The following CTNNBIP1 variants were observed in gnomAD, a reference collection of about 807,000 sequenced individuals.
CTNNBIP1 encodes beta-catenin-interacting protein 1.
In CTNNBIP1, 7 loss-of-function variants were observed where a neutral mutation model predicts 11.8. The ratio of observed to expected loss-of-function variants is 0.60; its 90% CI spans 0.34 to 1.12. The LOEUF (loss-of-function observed/expected upper bound fraction) is 1.12. Among genes scored for constraint, CTNNBIP1 ranks in the 50% most tolerant of loss-of-function variants. The pLI, the probability that CTNNBIP1 is intolerant of heterozygous loss-of-function variation, is 0.03. For synonymous variants in CTNNBIP1, 58 were observed against 43.9 expected (o/e 1.32, Z -1.26); for missense variants, 101 against 113.4 (o/e 0.89, Z 0.50).
rs1252617987 is a variant in CTNNBIP1 at position 9,890,296 on chromosome 1, T to G, written c.-143-6558A>C. Among the ~76,000 whole-genome samples the G allele has an allele frequency of 2.6e-5, 4 of 152,180 alleles. No homozygotes were observed. In the South Asian group the frequency reaches 6.2e-4, roughly 24 times the overall value. On this transcript the variant is annotated intron_variant, in intron 1 of 5. Coordinates refer to ENST00000377263, the MANE Select transcript of CTNNBIP1 (RefSeq NM_020248.3). ...AGTTTCCTTGGCTGCCCCAGAACAC[T>G]GAAGATCCTGGGCTATGTCTTCAGG...
intron 1 of CTNNBIP1, among the ~76,000 whole-genome samples, chr1:9,902,391 C>T (rs938035429): frequency 2.0e-5 from 3 of 152,206 alleles, no homozygotes; most frequent in Admixed American, 6.5e-5. Context: ...TTCTCCCTGA[C>T]TGAAACTCAA....
rs1213578044 is a variant in CTNNBIP1 at position 9,876,843 on chromosome 1, CAT to C, written c.-25+1060_-25+1061del. Among the ~76,000 whole-genome samples, 405 of 91,452 alleles carry C rather than the reference CAT, an allele frequency of 4.4e-3. 2 individuals are homozygous for C. Among genetic ancestry groups the C allele is most frequent in the Non-Finnish European group, 6.0e-3 (301 of 50,300 alleles). 60.0% of individuals were successfully genotyped at this position (91,452 alleles called of 152,430 possible). On this transcript the variant is annotated intron_variant, in intron 3 of 5. Coordinates refer to ENST00000377263, the MANE Select transcript of CTNNBIP1 (RefSeq NM_020248.3). ...GACACAGAGACACACTCCTGCTATA[CAT>C]ACACACACACACACACACACACACA...
chr1:9,907,268 T>A (rs1639636732), intron 1 of CTNNBIP1, among the ~76,000 whole-genome samples: 1 of 152,186 alleles, frequency 6.6e-6, no homozygotes, highest in South Asian at 2.1e-4. Flanking sequence ...CCTCCCTGGT[T>A]CAAGCGATTC....
At position 9,903,540 on chromosome 1, in the gene CTNNBIP1, G is replaced by C. The variant is rs564531006; in HGVS notation, c.-144+6555C>G. Among the ~76,000 whole-genome samples, 25 of 152,354 alleles carry C rather than the reference G, an allele frequency of 1.6e-4. 1 individual carries two copies. In the South Asian group the frequency reaches 4.8e-3, roughly 29 times the overall value. ...TTTAACAAGGCTTCATGGAAGACCAGAGCATAATAGGTCTTTAATAACTGA... is the reference window on the plus strand; with the variant it reads ...TTTAACAAGGCTTCATGGAAGACCACAGCATAATAGGTCTTTAATAACTGA... On this transcript the variant is annotated intron_variant, in intron 1 of 5. Coordinates refer to ENST00000377263, the MANE Select transcript of CTNNBIP1 (RefSeq NM_020248.3).
intron 5 of CTNNBIP1, among the ~76,000 whole-genome samples, chr1:9,859,941 T>G (rs1638587199): frequency 6.6e-6 from 1 of 152,132 alleles, no homozygotes; most frequent in Non-Finnish European, 1.5e-5. Flanking sequence ...TCCAACATGG[T>G]GGGGTCTGCT....
chr1:9,857,899 G>C lies in CTNNBIP1; in HGVS notation c.188-7123C>G, dbSNP rs188092352. 2.0e-5 allele frequency among the ~76,000 whole-genome samples: 3 copies of C among 152,316 alleles called. No individual in the cohort carries two copies. The East Asian group carries it at 5.8e-4, about 29-fold the overall frequency. Reference sequence around the variant, plus strand: ...GACAGATGAGAACAAGTGTTGGCCAGGTTGTGGAGCAATTGGAACCCTCAT... The same window carrying C: ...GACAGATGAGAACAAGTGTTGGCCACGTTGTGGAGCAATTGGAACCCTCAT... On this transcript the variant is annotated intron_variant, in intron 5 of 5. Transcript: ENST00000377263.
chr1:9,862,967 T>C (rs908777835), intron 5 of CTNNBIP1, among the ~76,000 whole-genome samples: 13 of 152,186 alleles, frequency 8.5e-5, no homozygotes, highest in Non-Finnish European at 1.3e-4. Flanking sequence ...AGGGGGGAAG[T>C]GTAGAGTCCC....
At chr1:9,855,923 A>G (rs1638491990) in intron 5 of CTNNBIP1, among the ~76,000 whole-genome samples, 1 of 152,028 alleles carries the variant, frequency 6.6e-6, no homozygotes, top group South Asian at 2.1e-4. Flanking sequence ...AGGTGGGCAG[A>G]TCACTTGAAG....
chr1:9,872,480 A>G lies in CTNNBIP1; in HGVS notation c.-24-392T>C, dbSNP rs1638884633. 6.6e-6 allele frequency among the ~76,000 whole-genome samples: 1 copy of G among 152,246 alleles called. No individual in the cohort carries two copies. Among genetic ancestry groups the G allele is most frequent in the Non-Finnish European group, 1.5e-5 (1 of 68,034 alleles). ...CCAAATGTCCCAGGTTTTCAGAACAACTTCCACAAGGGGCAAAAAAGTGAT... is the reference window on the plus strand; with the variant it reads ...CCAAATGTCCCAGGTTTTCAGAACAGCTTCCACAAGGGGCAAAAAAGTGAT... On this transcript the variant is annotated intron_variant, in intron 3 of 5. Coordinates refer to ENST00000377263, the MANE Select transcript of CTNNBIP1 (RefSeq NM_020248.3). This position sits in a 1 kb window ranked among gnomAD's most constrained non-coding sequence, Gnocchi z 4.0.
chr1:9,871,122 G>C lies in CTNNBIP1; in HGVS notation c.187+65C>G. 7.9e-7 allele frequency: 1 copy of C among 1,259,704 alleles called. No individual in the cohort carries two copies. Among genetic ancestry groups the C allele is most frequent in the Non-Finnish European group, 1.1e-6 (1 of 897,626 alleles). 78.0% of individuals were successfully genotyped at this position (1,259,704 alleles called of 1,614,324 possible). On this transcript the variant is annotated intron_variant, in intron 5 of 5. Coordinates refer to ENST00000377263, the MANE Select transcript of CTNNBIP1 (RefSeq NM_020248.3). This position sits in a 1 kb window ranked among gnomAD's most constrained non-coding sequence, Gnocchi z 5.2. ...AGAGGGCTGGAGCTACGCTTTCTAA[G>C]GGAACCACAAGTCGGTGCCCCTGGG...
At chr1:9,852,417 C>T (rs1395166210) in intron 5 of CTNNBIP1, among the ~76,000 whole-genome samples, 2 of 152,204 alleles carry the variant, frequency 1.3e-5, no homozygotes, top group African/African-American at 4.8e-5. Context: ...ACCTCCATTG[C>T]TCAGAAGGGA....
intron 5 of CTNNBIP1, among the ~76,000 whole-genome samples, chr1:9,865,296 T>C (rs1007144561): frequency 1.4e-5 from 2 of 147,942 alleles, no homozygotes; most frequent in Admixed American, 6.8e-5. Flanking sequence ...GCGTAAAAAA[T>C]GGATGTTAAA....
Position 9,850,789 on chromosome 1 carries a change from CG to C in CTNNBIP1, c.188-14del, listed in dbSNP as rs1165144104. ...ACGTCCTCTGCACCTGCAGATAAGG[CG>C]ACAAGGATCGCTGATGGGGCTTGCA... On this transcript the variant is annotated splice_polypyrimidine_tract_variant and intron_variant, in intron 5 of 5. Transcript: ENST00000377263. 6.2e-7 allele frequency: 1 copy of C among 1,613,458 alleles called. No homozygotes were observed. The highest frequency in any genetic ancestry group is 8.5e-7 in the Non-Finnish European group (1 of 1,179,634).
At chr1:9,890,364 T>G (rs1272688453) in intron 1 of CTNNBIP1, among the ~76,000 whole-genome samples, 1 of 152,166 alleles carries the variant, frequency 6.6e-6, no homozygotes, top group Non-Finnish European at 1.5e-5. Context: ...GGAGGTTTTC[T>G]CTCTGCACAG....
At chr1:9,908,631 G>A (rs1158400051) in intron 1 of CTNNBIP1, among the ~76,000 whole-genome samples, 2 of 152,148 alleles carry the variant, frequency 1.3e-5, no homozygotes, top group Non-Finnish European at 2.9e-5. Flanking sequence ...CAAAGTGCTG[G>A]GACTACAAGC....
chr1:9,882,224 C>T (rs1639097470), intron 2 of CTNNBIP1, among the ~76,000 whole-genome samples: 1 of 152,128 alleles, frequency 6.6e-6, no homozygotes, highest in Non-Finnish European at 1.5e-5. Flanking sequence ...GGGGAAGGCA[C>T]AAGACACAGA....
In CTNNBIP1 at chr1:9,872,658, T is replaced by C. The variant is rs1638888931; in HGVS notation, c.-24-570A>G. 6.6e-6 allele frequency among the ~76,000 whole-genome samples: 1 copy of C among 152,142 alleles called. No individual in the cohort carries two copies. The highest frequency in any genetic ancestry group is 2.4e-5 in the African/African-American group (1 of 41,436). Reference sequence around the variant, plus strand: ...CCTGGGCTGGGCTCCAAGGGGTCCCTTGATGGAAAGACGCTGGCCCAGGGT... The same window carrying C: ...CCTGGGCTGGGCTCCAAGGGGTCCCCTGATGGAAAGACGCTGGCCCAGGGT... On this transcript the variant is annotated intron_variant, in intron 3 of 5. Coordinates refer to ENST00000377263, the MANE Select transcript of CTNNBIP1 (RefSeq NM_020248.3). This position sits in a 1 kb window ranked among gnomAD's most constrained non-coding sequence, Gnocchi z 4.0.
At chr1:9,850,979 T>C (rs538475676) in intron 5 of CTNNBIP1, among the ~76,000 whole-genome samples, 2 of 152,312 alleles carry the variant, frequency 1.3e-5, no homozygotes, top group South Asian at 4.1e-4. Context: ...AACCCTGCTG[T>C]AGGGCTGCAA....
At chr1:9,905,204 A>C (rs1639593686) in intron 1 of CTNNBIP1, among the ~76,000 whole-genome samples, 1 of 152,200 alleles carries the variant, frequency 6.6e-6, no homozygotes, top group Admixed American at 6.5e-5. Context: ...TCCTAACCAC[A>C]GCCACAAATT....
Sources: allele counts gnomAD v4.1 joint callset (sites outside exome capture counted in the v4.1 genomes callset), GRCh38; gene constraint gnomAD v4.1.1; non-coding constraint Gnocchi (gnomAD v3.1); transcripts MANE v1.5; gene names NCBI Gene and HGNC (gene_info 2026-07-23, HGNC 2026-07-21).